The following RPRD1B variants were observed in gnomAD, a reference collection of about 807,000 sequenced individuals.
RPRD1B encodes the protein regulation of nuclear pre-mRNA domain-containing protein 1B.
A neutral mutation model predicts 41.5 loss-of-function variants in RPRD1B; 11 were observed. That is an observed-to-expected ratio of 0.27 (90% CI 0.17 to 0.44). RPRD1B has a LOEUF of 0.44. Among genes scored for constraint, RPRD1B ranks in the 20% least tolerant of loss-of-function variants. The pLI is 1.00. For missense variants in RPRD1B, 248 were observed against 389.9 expected (o/e 0.64, Z 3.06); for synonymous variants, 158 against 155.6 (o/e 1.02, Z -0.12).
At chr20:38,066,441 T>C (rs1186829755) in intron 6 of RPRD1B, among the ~76,000 whole-genome samples, 185 bp downstream of exon 6, 5 of 152,240 alleles carry the variant, frequency 3.3e-5, no homozygotes, top group East Asian at 1.9e-4. Flanking sequence ...CATGTTCTTA[T>C]ATGTCCAGGA....
rs562507794 is a variant in RPRD1B, at chr20:38,034,126, C to A, written c.151+28C>A. 5.0e-6 allele frequency: 8 copies of A among 1,602,438 alleles called. No individual in the cohort carries two copies. The South Asian group carries it at 5.6e-5, about 11-fold the overall frequency. ...AAACACCAAATCCCCACCCCCTGGA[C>A]GGTCCCCGGATTGTCCTCTCGCCCA... On this transcript the variant is annotated intron_variant, in intron 1 of 6. Transcript: ENST00000373433.
chr20:38,052,807 C>T (rs888963823), intron 3 of RPRD1B, among the ~76,000 whole-genome samples: 14 of 135,254 alleles, frequency 1.0e-4, no homozygotes, highest in Non-Finnish European at 1.8e-4. Flanking sequence ...CAAGTGGATC[C>T]TCTAGAAGAT....
rs75116772 is a variant in RPRD1B, at chr20:38,043,441, A to G, written c.281+2877A>G. On this transcript the variant is annotated intron_variant, in intron 2 of 6. Transcript: ENST00000373433. ...ATTTTTTTCTCATGGGATGTCATTGAAGAGTTTTAACCAGGGGAATGATAT... is the reference window on the plus strand; with the variant it reads ...ATTTTTTTCTCATGGGATGTCATTGGAGAGTTTTAACCAGGGGAATGATAT... 3.2e-3 allele frequency among the ~76,000 whole-genome samples: 489 copies of G among 152,322 alleles called. 1 individual carries two copies. Among genetic ancestry groups the G allele is most frequent in the African/African-American group, 0.011 (461 of 41,560 alleles).
Position 38,090,183 on chromosome 20 carries a change from T to G in RPRD1B, c.*308T>G. The G allele has an allele frequency of 9.5e-7, 1 of 1,047,848 alleles. No individual in the cohort carries two copies. The highest frequency in any genetic ancestry group is 1.1e-6 in the Non-Finnish European group (1 of 870,096). 64.9% of individuals were successfully genotyped at this position (1,047,848 alleles called of 1,614,324 possible). A position where few individuals can be genotyped will look rare whatever the true frequency, so the allele number is the denominator to read the frequency against. On this transcript the variant is annotated 3_prime_UTR_variant, in exon 7 of 7. Transcript: ENST00000373433. Reference sequence around the variant, plus strand: ...CTGTCTCCTTATACCTAAGAAGTTATGAAAATCATGTGTACTTCTGGAAGC... The same window carrying G: ...CTGTCTCCTTATACCTAAGAAGTTAGGAAAATCATGTGTACTTCTGGAAGC...
chr20:38,042,286 C>A (rs2074074316), intron 2 of RPRD1B, among the ~76,000 whole-genome samples: 1 of 152,058 alleles, frequency 6.6e-6, no homozygotes, highest in Admixed American at 6.5e-5. Flanking sequence ...CCCAGGAGTT[C>A]AAAGCTGTAG....
At chr20:38,064,870 C>T (rs1481492713) in intron 5 of RPRD1B, among the ~76,000 whole-genome samples, 1 of 151,894 alleles carries the variant, frequency 6.6e-6, no homozygotes, top group African/African-American at 2.4e-5. Flanking sequence ...CCTGTACTCC[C>T]AGCTACTCGG....
chr20:38,073,912 GCCGGCC>G (rs764892247), intron 6 of RPRD1B, among the ~76,000 whole-genome samples: 10 of 152,190 alleles, frequency 6.6e-5, no homozygotes, highest in Non-Finnish European at 1.3e-4. Flanking sequence ...CCTGCCTAGT[GCCGGCC>G]CCCTCCTCTC....
intron 6 of RPRD1B, among the ~76,000 whole-genome samples, chr20:38,084,154 A>G (rs2074539756): frequency 6.6e-6 from 1 of 152,136 alleles, no homozygotes; most frequent in Non-Finnish European, 1.5e-5. Context: ...GGTGTGTTAA[A>G]TATTGGTGGG....
At chr20:38,076,213 T>C (rs1253320775) in intron 6 of RPRD1B, among the ~76,000 whole-genome samples, 3 of 152,244 alleles carry the variant, frequency 2.0e-5, no homozygotes, top group African/African-American at 7.2e-5. Context: ...GTGATGATGA[T>C]CTGCTTTGCA....
rs539122995 is a variant in RPRD1B, at chr20:38,042,905, T to C, written c.281+2341T>C. Among the ~76,000 whole-genome samples the C allele has an allele frequency of 5.9e-5, 9 of 152,284 alleles. No individual in the cohort carries two copies. In the South Asian group the frequency reaches 1.9e-3, roughly 32 times the overall value. On this transcript the variant is annotated intron_variant, in intron 2 of 6. Coordinates refer to ENST00000373433, the MANE Select transcript of RPRD1B (RefSeq NM_021215.4). ...AAGTCAGAGAAAGCTGCCAAGTTCATAGGATAGATTTGATTTGAATAGCAG... is the reference window on the plus strand; with the variant it reads ...AAGTCAGAGAAAGCTGCCAAGTTCACAGGATAGATTTGATTTGAATAGCAG...
intron 6 of RPRD1B, among the ~76,000 whole-genome samples, chr20:38,079,215 A>C (rs565346935): frequency 6.6e-6 from 1 of 151,164 alleles, no homozygotes; most frequent in Non-Finnish European, 1.5e-5. Flanking sequence ...TATCCTAGGC[A>C]CATGGAAGTG....
intron 6 of RPRD1B, chr20:38,070,650 A>T (rs1745598962): frequency 2.3e-5 from 23 of 984,962 alleles, no homozygotes; most frequent in Non-Finnish European, 2.8e-5. Context: ...CATGTGGAAG[A>T]GTGTGTGTGT....
chr20:38,086,315 C>T (rs989945359), intron 6 of RPRD1B, among the ~76,000 whole-genome samples: 9 of 152,188 alleles, frequency 5.9e-5, no homozygotes, highest in East Asian at 1.9e-4. Context: ...TTCGAGCCTG[C>T]TTGCCTCTCT....
intron 3 of RPRD1B, among the ~76,000 whole-genome samples, chr20:38,052,752 GTTTTTTTTTTT>G (rs146687415): frequency 1.2e-5 from 1 of 81,702 alleles, no homozygotes; most frequent in Admixed American, 1.5e-4. Flanking sequence ...CAAACGCGGT[GTTTTTTTTTTT>G]TTTTTTTTTT....
chr20:38,082,650 G>A (rs951037789), intron 6 of RPRD1B, among the ~76,000 whole-genome samples: 2 of 152,178 alleles, frequency 1.3e-5, no homozygotes, highest in African/African-American at 4.8e-5. Context: ...GCCTCCCAAA[G>A]TGCTGGGATT....
intron 5 of RPRD1B, among the ~76,000 whole-genome samples, chr20:38,063,735 C>T (rs903861390): frequency 6.6e-6 from 1 of 152,086 alleles, no homozygotes; most frequent in Admixed American, 6.5e-5. Flanking sequence ...ATGCGCATGC[C>T]GCTTGGAGGA....
chr20:38,066,577 A>G (rs961216528), intron 6 of RPRD1B, among the ~76,000 whole-genome samples: 2 of 152,274 alleles, frequency 1.3e-5, no homozygotes, highest in African/African-American at 4.8e-5. Flanking sequence ...AAAGGATAGC[A>G]AATCAGTGAA....
In RPRD1B at chr20:38,091,809, C is replaced by T; in HGVS notation, c.*1934C>T. 2 of 985,750 alleles carry T rather than the reference C, an allele frequency of 2.0e-6. No homozygotes were observed. Among genetic ancestry groups the T allele is most frequent in the Middle Eastern group, 5.2e-4 (1 of 1,914 alleles). 61.1% of individuals were successfully genotyped at this position (985,750 alleles called of 1,614,324 possible). A position where few individuals can be genotyped will look rare whatever the true frequency, so the allele number is the denominator to read the frequency against. ...TGAAAATATAGCAGAATGGATTTAG[C>T]CCACTGCTCTGTTTTATCCAACTGA... On this transcript the variant is annotated 3_prime_UTR_variant, in exon 7 of 7. Coordinates refer to ENST00000373433, the MANE Select transcript of RPRD1B (RefSeq NM_021215.4).
chr20:38,078,345 G>C (rs1209046330), intron 6 of RPRD1B, among the ~76,000 whole-genome samples: 1 of 152,010 alleles, frequency 6.6e-6, no homozygotes, highest in Admixed American at 6.6e-5. Flanking sequence ...CTCTGCCCAG[G>C]ACACACTTCC....
Sources: gnomAD v4.1 joint callset for allele counts (sites outside exome capture counted in the v4.1 genomes callset) on GRCh38, gnomAD v4.1.1 for gene constraint, MANE v1.5 for transcripts, NCBI Gene and HGNC (gene_info 2026-07-23, HGNC 2026-07-21) for gene names.